The following ITGBL1 variants were observed in gnomAD, a reference collection of about 807,000 sequenced individuals.
ITGBL1 encodes integrin beta-like protein 1.
Under a neutral mutation model 68.5 loss-of-function variants are expected in ITGBL1, and 51 were observed. The observed-to-expected ratio is 0.74, with a 90% CI of 0.59 to 0.94. The LOEUF is 0.94. ITGBL1 is among the 40% of genes least tolerant of loss of function. ITGBL1 has a pLI of 0.00. For synonymous variants in ITGBL1, 209 were observed against 227.3 expected, an observed-to-expected ratio of 0.92 and a Z score of 0.72; for missense variants, 649 against 647.4, an observed-to-expected ratio of 1.00 and a Z score of -0.03.
intron 2 of ITGBL1, among the ~76,000 whole-genome samples, chr13:101,479,642 T>C (rs2048587873): frequency 6.6e-6 from 1 of 151,508 alleles, no homozygotes; most frequent in South Asian, 2.1e-4. Context: ...CCAATCAAAA[T>C]GGGCCAAAGA....
At chr13:101,678,876 C>T (rs2033571002) in intron 7 of ITGBL1, among the ~76,000 whole-genome samples, 1 of 151,860 alleles carries the variant, frequency 6.6e-6, no homozygotes, top group African/African-American at 2.4e-5. Context: ...ACTCCTTTCT[C>T]CTCCCCAAAT....
At chr13:101,534,863 C>A (rs2049544810) in intron 2 of ITGBL1, among the ~76,000 whole-genome samples, 2 of 151,934 alleles carry the variant, frequency 1.3e-5, no homozygotes, top group African/African-American at 4.8e-5. Flanking sequence ...ATTATTAATC[C>A]AGGTGGAGAG....
chr13:101,637,462 G>A (rs1434303325), intron 7 of ITGBL1, among the ~76,000 whole-genome samples: 1 of 150,784 alleles, frequency 6.6e-6, no homozygotes, highest in Non-Finnish European at 1.5e-5. Context: ...TCCTGCCTCA[G>A]CCTCCCGAGT....
chr13:101,486,923 A>G (rs1232053676), intron 2 of ITGBL1, among the ~76,000 whole-genome samples: 1 of 152,012 alleles, frequency 6.6e-6, no homozygotes, highest in Non-Finnish European at 1.5e-5. Flanking sequence ...CTTATTTTTA[A>G]TGCTTTCTAG....
At chr13:101,511,971 A>T (rs2049122493) in intron 2 of ITGBL1, among the ~76,000 whole-genome samples, 1 of 152,172 alleles carries the variant, frequency 6.6e-6, no homozygotes, top group Non-Finnish European at 1.5e-5. Context: ...CTTCTCTCAG[A>T]CATACCAAAA....
intron 2 of ITGBL1, among the ~76,000 whole-genome samples, chr13:101,513,006 T>C (rs2049140203): frequency 6.6e-6 from 1 of 152,080 alleles, no homozygotes; most frequent in South Asian, 2.1e-4. Context: ...ATTCTTTCAT[T>C]TGGCAAGCAT....
intron 3 of ITGBL1, among the ~76,000 whole-genome samples, chr13:101,571,364 A>T (rs1030397601): frequency 6.6e-6 from 1 of 152,070 alleles, no homozygotes; most frequent in African/African-American, 2.4e-5. Context: ...ATGTAGTCGA[A>T]TGACGTGTTC....
intron 7 of ITGBL1, among the ~76,000 whole-genome samples, chr13:101,649,755 A>T (rs150085139): frequency 6.6e-6 from 1 of 152,318 alleles, no homozygotes; most frequent in Non-Finnish European, 1.5e-5. Context: ...ACTACCTTCA[A>T]GGTAATCTGG....
At chr13:101,679,605 T>C (rs1424142082) in intron 7 of ITGBL1, among the ~76,000 whole-genome samples, 1 of 152,236 alleles carries the variant, frequency 6.6e-6, no homozygotes, top group Non-Finnish European at 1.5e-5. Context: ...CTTTTTAAAC[T>C]TGGACCTGTC....
intron 2 of ITGBL1, among the ~76,000 whole-genome samples, chr13:101,463,678 C>A (rs2048345838): frequency 6.6e-6 from 1 of 152,082 alleles, no homozygotes; most frequent in African/African-American, 2.4e-5. Flanking sequence ...CTAGGGTGTT[C>A]CTTGATCTCC....
chr13:101,542,412 T>C (rs1377513617), intron 2 of ITGBL1, among the ~76,000 whole-genome samples: 1 of 152,236 alleles, frequency 6.6e-6, no homozygotes, highest in African/African-American at 2.4e-5. Flanking sequence ...TGCACTGTGG[T>C]CTGAGAGACA....
At chr13:101,460,794 A>G (rs1417773192) in intron 2 of ITGBL1, among the ~76,000 whole-genome samples, 1 of 152,228 alleles carries the variant, frequency 6.6e-6, no homozygotes, top group East Asian at 1.9e-4. Context: ...CAAGAGATAG[A>G]GGGAGGGGTA....
chr13:101,575,394 C>T (rs752600065), intron 3 of ITGBL1, 30 bp from the exon 4 acceptor site: 1 of 1,602,444 alleles, frequency 6.2e-7, no homozygotes, highest in East Asian at 2.2e-5. Context: ...GTGCATGTAA[C>T]AAACAGTCTT....
intron 2 of ITGBL1, among the ~76,000 whole-genome samples, chr13:101,561,734 A>T (rs1188545992): frequency 6.6e-6 from 1 of 152,194 alleles, no homozygotes; most frequent in African/African-American, 2.4e-5. Flanking sequence ...ATTGAATTCT[A>T]TATCCAGCAA....
At chr13:101,530,801 A>G (rs1221635937) in intron 2 of ITGBL1, among the ~76,000 whole-genome samples, 1 of 152,218 alleles carries the variant, frequency 6.6e-6, no homozygotes, top group East Asian at 1.9e-4. Context: ...CTATTGACCT[A>G]AAAACACATT....
chr13:101,645,184 C>T (rs1594951172), intron 7 of ITGBL1, among the ~76,000 whole-genome samples: 1 of 152,058 alleles, frequency 6.6e-6, no homozygotes, highest in South Asian at 2.1e-4. Context: ...CTTGCTTTGG[C>T]TTGTGGTCTG....
At chr13:101,651,112 A>C (rs1370180891) in intron 7 of ITGBL1, among the ~76,000 whole-genome samples, 1 of 152,114 alleles carries the variant, frequency 6.6e-6, no homozygotes, top group African/African-American at 2.4e-5. Flanking sequence ...GAACATATCC[A>C]TGCATTTATC....
At chr13:101,626,796 T>G (rs2031795047) in intron 7 of ITGBL1, among the ~76,000 whole-genome samples, 1 of 152,170 alleles carries the variant, frequency 6.6e-6, no homozygotes, top group Admixed American at 6.6e-5. Context: ...TATAAAGAAA[T>G]CATTTTAAAA....
At chr13:101,549,081 C>T (rs921838505) in intron 2 of ITGBL1, among the ~76,000 whole-genome samples, 6 of 151,658 alleles carry the variant, frequency 4.0e-5, no homozygotes, top group Non-Finnish European at 5.9e-5. Flanking sequence ...TAAGATTATA[C>T]AGAGTTGAGA....
Sources: gnomAD v4.1 joint callset for allele counts (sites outside exome capture counted in the v4.1 genomes callset) on GRCh38, gnomAD v4.1.1 for gene constraint, MANE v1.5 for transcripts, NCBI Gene and HGNC (gene_info 2026-07-23, HGNC 2026-07-21) for gene names.